GPC5: variants seen among roughly 807,000 people sequenced by gnomAD.
GPC5 encodes the protein glypican-5.
A neutral mutation model predicts 53.9 loss-of-function variants in GPC5; 47 were observed. That is an observed-to-expected ratio of 0.87 (90% CI 0.69 to 1.11). The LOEUF is 1.11. GPC5 is among the 50% of genes most tolerant of loss of function. GPC5 has a pLI of 0.00. For synonymous variants in GPC5, 286 were observed against 263.3 expected (o/e 1.09, Z -0.84); for missense variants, 748 against 713.1 (o/e 1.05, Z -0.56).
intron 7 of GPC5, among the ~76,000 whole-genome samples, chr13:92,297,823 T>C (rs35919197): frequency 0.011 from 1,617 of 152,078 alleles, 27 homozygotes; most frequent in Middle Eastern, 0.048. Context: ...TTTGTTCTTT[T>C]GCTCTTGCTA....
At chr13:92,059,238 A>AATT (rs1566417121) in intron 6 of GPC5, among the ~76,000 whole-genome samples, 18 of 151,552 alleles carry the variant, frequency 1.2e-4, no homozygotes, top group African/African-American at 3.9e-4. Flanking sequence ...AGTCTCAACA[A>AATT]TGCAGCACAC....
intron 6 of GPC5, among the ~76,000 whole-genome samples, chr13:92,010,108 C>G (rs952107995): frequency 1.3e-5 from 2 of 152,192 alleles, no homozygotes; most frequent in African/African-American, 2.4e-5. Flanking sequence ...TTCTAAAATA[C>G]TGCATTCTTG....
At chr13:92,078,543 A>G (rs1280628415) in intron 6 of GPC5, among the ~76,000 whole-genome samples, 1 of 152,184 alleles carries the variant, frequency 6.6e-6, no homozygotes, top group Non-Finnish European at 1.5e-5. Context: ...ATTTTCATCA[A>G]TCAAAAATGC....
At chr13:91,878,630 T>C (rs1168761793) in intron 5 of GPC5, among the ~76,000 whole-genome samples, 1 of 152,154 alleles carries the variant, frequency 6.6e-6, no homozygotes, top group Non-Finnish European at 1.5e-5. Context: ...GCTGCTGGTC[T>C]TGTGATAGTG....
intron 7 of GPC5, among the ~76,000 whole-genome samples, chr13:92,445,570 G>T (rs1017241403): frequency 2.5e-4 from 37 of 148,202 alleles, no homozygotes; most frequent in South Asian, 1.1e-3. Context: ...GTGGTGTTTG[G>T]TTTTTTGTTC....
chr13:91,785,264 T>C (rs572181303), intron 5 of GPC5, among the ~76,000 whole-genome samples: 1 of 152,332 alleles, frequency 6.6e-6, no homozygotes, highest in African/African-American at 2.4e-5. Flanking sequence ...ATTCTTTATA[T>C]GTGGGGCTAT....
At chr13:91,500,250 G>C (rs1360112075) in intron 2 of GPC5, among the ~76,000 whole-genome samples, 2 of 152,196 alleles carry the variant, frequency 1.3e-5, no homozygotes, top group African/African-American at 4.8e-5. Flanking sequence ...TTAGAAATTA[G>C]AATGGTTCTT....
intron 2 of GPC5, among the ~76,000 whole-genome samples, chr13:91,557,830 C>A (rs1347433753): frequency 2.6e-5 from 4 of 152,054 alleles, no homozygotes; most frequent in African/African-American, 9.7e-5. Flanking sequence ...CAAATAAATA[C>A]CTTTTACATT....
At chr13:91,510,337 T>G (rs771593739) in intron 2 of GPC5, among the ~76,000 whole-genome samples, 11 of 152,166 alleles carry the variant, frequency 7.2e-5, no homozygotes, top group Non-Finnish European at 5.9e-5. Flanking sequence ...TTTTCACATC[T>G]ACACATATGA....
chr13:91,516,512 G>C (rs1566468726), intron 2 of GPC5, among the ~76,000 whole-genome samples: 1 of 152,212 alleles, frequency 6.6e-6, no homozygotes, highest in East Asian at 1.9e-4. Flanking sequence ...CACTCCTGTG[G>C]CTTTGCAGGG....
intron 2 of GPC5, among the ~76,000 whole-genome samples, chr13:91,569,083 GA>G (rs770356298): frequency 7.2e-5 from 11 of 152,048 alleles, no homozygotes; most frequent in Non-Finnish European, 1.5e-4. Context: ...ATGTGTCCAT[GA>G]AGTGTTATAA....
chr13:91,786,474 T>A (rs897539777), intron 5 of GPC5, among the ~76,000 whole-genome samples: 10 of 152,142 alleles, frequency 6.6e-5, no homozygotes, highest in Non-Finnish European at 1.2e-4. Flanking sequence ...GATTTTTTTA[T>A]TTTTTAAAAA....
At chr13:92,707,212 C>T (rs1353207568) in intron 7 of GPC5, among the ~76,000 whole-genome samples, 2 of 152,132 alleles carry the variant, frequency 1.3e-5, no homozygotes, top group African/African-American at 2.4e-5. Flanking sequence ...TGAATTGACC[C>T]ATATGTACAT....
chr13:92,220,861 G>C (rs1196571991), intron 7 of GPC5, among the ~76,000 whole-genome samples: 3 of 152,024 alleles, frequency 2.0e-5, no homozygotes, highest in African/African-American at 7.2e-5. Flanking sequence ...AAAAATCTCT[G>C]TTTACATGGG....
At chr13:92,714,029 C>T (rs7991540) in intron 7 of GPC5, among the ~76,000 whole-genome samples, 1 of 152,148 alleles carries the variant, frequency 6.6e-6, no homozygotes, top group African/African-American at 2.4e-5. Context: ...TTGTATTTTT[C>T]ATCTGCACAT....
chr13:92,016,387 T>C (rs2040707360), intron 6 of GPC5, among the ~76,000 whole-genome samples: 1 of 152,206 alleles, frequency 6.6e-6, no homozygotes, highest in South Asian at 2.1e-4. Flanking sequence ...AATCATCTTA[T>C]CTAAAGGCTC....
At chr13:91,492,850 G>A (rs1233422130) in intron 2 of GPC5, among the ~76,000 whole-genome samples, 1 of 152,104 alleles carries the variant, frequency 6.6e-6, no homozygotes, top group Non-Finnish European at 1.5e-5. Context: ...CCACTCCGTG[G>A]ACATACCTTG....
chr13:91,751,617 A>G (rs1006696255), intron 4 of GPC5, among the ~76,000 whole-genome samples: 5 of 152,030 alleles, frequency 3.3e-5, no homozygotes, highest in African/African-American at 9.7e-5. Context: ...TTCTGCCTAC[A>G]TTTTTTCAAA....
At chr13:92,357,307 G>T (rs927142382) in intron 7 of GPC5, among the ~76,000 whole-genome samples, 5 of 151,712 alleles carry the variant, frequency 3.3e-5, no homozygotes, top group African/African-American at 1.2e-4. Flanking sequence ...TTTCCACAAT[G>T]GTTGAACTAA....
Sources: gnomAD v4.1 joint callset for allele counts (sites outside exome capture counted in the v4.1 genomes callset) on GRCh38, gnomAD v4.1.1 for gene constraint, MANE v1.5 for transcripts, NCBI Gene and HGNC (gene_info 2026-07-23, HGNC 2026-07-21) for gene names.